Variants in ZNF148 observed in about 807,000 individuals in gnomAD.
The protein encoded by ZNF148 is zinc finger protein 148, also known as Beta-Enolase Repressor Factor-1.
Under a neutral mutation model 67.7 loss-of-function variants are expected in ZNF148, and 7 were observed. That is an observed-to-expected ratio of 0.10 (90% CI 0.06 to 0.19). The LOEUF (loss-of-function observed/expected upper bound fraction) is 0.19. ZNF148 is among the 10% of genes least tolerant of loss of function. The probability of loss-of-function intolerance (pLI) is 1.00; values close to 1 mark genes in which losing one functional copy is unlikely to be tolerated. For synonymous variants in ZNF148, 333 were observed against 330.7 expected (o/e 1.01, Z -0.08); for missense variants, 583 against 947.1 (o/e 0.62, Z 5.05).
chr3:125,364,814 T>C (rs1298766450), intron 1 of ZNF148, among the ~76,000 whole-genome samples: 1 of 152,222 alleles, frequency 6.6e-6, no homozygotes, highest in Non-Finnish European at 1.5e-5. Flanking sequence ...AATAAATACA[T>C]TTTCAAAATC....
At chr3:125,293,654 G>C (rs563475863) in intron 4 of ZNF148, among the ~76,000 whole-genome samples, 2 of 152,128 alleles carry the variant, frequency 1.3e-5, no homozygotes, top group Non-Finnish European at 2.9e-5. Context: ...GAGCAAGAAC[G>C]TAAGCAACAA....
intron 1 of ZNF148, among the ~76,000 whole-genome samples, chr3:125,347,039 G>A (rs1941970613): frequency 6.6e-6 from 1 of 152,068 alleles, no homozygotes; most frequent in East Asian, 1.9e-4. Flanking sequence ...TTATATTTCT[G>A]TACACAAGCA....
intron 4 of ZNF148, among the ~76,000 whole-genome samples, chr3:125,310,613 C>A (rs375626890): frequency 6.6e-6 from 1 of 151,480 alleles, no homozygotes; most frequent in East Asian, 1.9e-4. Context: ...AAAATTAGAG[C>A]AGAAATAAAT....
At chr3:125,319,064 G>T (rs1940652797) in intron 3 of ZNF148, among the ~76,000 whole-genome samples, 2 of 151,914 alleles carry the variant, frequency 1.3e-5, no homozygotes, top group Non-Finnish European at 2.9e-5. Flanking sequence ...CTGTGTAAAA[G>T]CCTAACTGCA....
chr3:125,250,271 C>T (rs1936781379), intron 7 of ZNF148, among the ~76,000 whole-genome samples: 2 of 152,176 alleles, frequency 1.3e-5, no homozygotes, highest in Admixed American at 1.3e-4. Context: ...TAAATATATA[C>T]AATTTCCATT....
chr3:125,365,021 T>A (rs1050601171), intron 1 of ZNF148, among the ~76,000 whole-genome samples: 5 of 152,168 alleles, frequency 3.3e-5, no homozygotes, highest in African/African-American at 1.2e-4. Context: ...ATCTTATTTA[T>A]CCTTCAAGGT....
chr3:125,313,299 A>G lies in ZNF148; in HGVS notation c.333+9T>C, dbSNP rs1198280993. 1.9e-6 allele frequency: 3 copies of G among 1,589,140 alleles called. No individual in the cohort carries two copies. Reference sequence around the variant, plus strand: ...TCTAAGTTTAATATCTTATAAAGGAATTACTTACAGGGACATTAAGTGCAT... The same window carrying G: ...TCTAAGTTTAATATCTTATAAAGGAGTTACTTACAGGGACATTAAGTGCAT... On this transcript the variant is annotated intron_variant, in intron 4 of 8. Transcript: ENST00000360647.
chr3:125,361,180 A>T (rs1217449377), intron 1 of ZNF148, among the ~76,000 whole-genome samples: 2 of 152,070 alleles, frequency 1.3e-5, no homozygotes, highest in Non-Finnish European at 2.9e-5. Flanking sequence ...CTTTTCCTGG[A>T]CAATCTGCTT....
intron 7 of ZNF148, among the ~76,000 whole-genome samples, chr3:125,261,688 AG>A (rs1224488995): frequency 2.0e-5 from 3 of 152,158 alleles, no homozygotes; most frequent in Non-Finnish European, 4.4e-5. Context: ...CTACAGTCAC[AG>A]GAAGACTAAA....
intron 7 of ZNF148, among the ~76,000 whole-genome samples, chr3:125,264,529 C>G (rs1023802810): frequency 6.6e-6 from 1 of 152,140 alleles, no homozygotes; most frequent in Non-Finnish European, 1.5e-5. Context: ...CCAAGGAAAA[C>G]CACTTGAAAT....
chr3:125,263,330 C>T (rs1441906991), intron 7 of ZNF148, among the ~76,000 whole-genome samples: 1 of 152,170 alleles, frequency 6.6e-6, no homozygotes, highest in Non-Finnish European at 1.5e-5. Flanking sequence ...ACGGGTGGGT[C>T]ATCTGAGGTG....
chr3:125,261,490 G>A (rs1391757078), intron 7 of ZNF148, among the ~76,000 whole-genome samples: 1 of 152,134 alleles, frequency 6.6e-6, no homozygotes, highest in African/African-American at 2.4e-5. Context: ...AAGCAAGGTA[G>A]TGAATATGAT....
At chr3:125,256,330 T>G (rs1346915874) in intron 7 of ZNF148, among the ~76,000 whole-genome samples, 1 of 145,802 alleles carries the variant, frequency 6.9e-6, no homozygotes, top group African/African-American at 2.6e-5. Flanking sequence ...ACAGCACCAC[T>G]GCAGTCTGGC....
At chr3:125,329,021 C>A (rs1421902850) in intron 2 of ZNF148, among the ~76,000 whole-genome samples, 3 of 144,472 alleles carry the variant, frequency 2.1e-5, no homozygotes, top group East Asian at 2.1e-4. Context: ...ATATATATAT[C>A]TGTACATGTA....
intron 1 of ZNF148, among the ~76,000 whole-genome samples, chr3:125,345,423 T>C (rs146731995): frequency 1.5e-3 from 222 of 151,442 alleles, no homozygotes; most frequent in African/African-American, 5.2e-3. Context: ...ACATTAGAAA[T>C]GAGGAAAGAT....
intron 2 of ZNF148, among the ~76,000 whole-genome samples, chr3:125,325,513 T>A (rs528938693): frequency 6.6e-6 from 1 of 152,274 alleles, no homozygotes; most frequent in South Asian, 2.1e-4. Flanking sequence ...TTGCCCAGGC[T>A]GGAGTGCGAT....
At chr3:125,295,317 G>A (rs1167338596) in intron 4 of ZNF148, among the ~76,000 whole-genome samples, 9 of 152,122 alleles carry the variant, frequency 5.9e-5, no homozygotes, top group Non-Finnish European at 5.9e-5. Flanking sequence ...GCTGGGCACA[G>A]TGGCAGACTC....
chr3:125,232,628 T>G lies in ZNF148; in HGVS notation c.2098A>C (p.Thr700Pro). The G allele has an allele frequency of 6.2e-7, 1 of 1,613,844 alleles. No homozygotes were observed. The highest frequency in any genetic ancestry group is 8.5e-7 in the Non-Finnish European group (1 of 1,179,792). Reference protein sequence around the residue: ...SGDETNHASATSTQDFLDQVT... With the variant: ...SGDETNHASAPSTQDFLDQVT... ...TGATCCAGAAAGTCCTGTGTTGATG[T>G]GGCAGAAGCATGGTTTGTCTCATCA... Residue 700 changes from threonine (T) to proline (P), a missense_variant, in exon 9 of 9, where the codon ACA becomes CCA. Coordinates refer to ENST00000360647, the MANE Select transcript of ZNF148 (RefSeq NM_021964.3). This position sits in a 1 kb window ranked among gnomAD's most constrained non-coding sequence, Gnocchi z 4.2.
At chr3:125,302,695 G>A (rs1168272254) in intron 4 of ZNF148, among the ~76,000 whole-genome samples, 1 of 152,176 alleles carries the variant, frequency 6.6e-6, no homozygotes, top group Non-Finnish European at 1.5e-5. Flanking sequence ...CACTGAAGTT[G>A]TTTTAGAAGA....
Sources: allele counts gnomAD v4.1 joint callset (sites outside exome capture counted in the v4.1 genomes callset), GRCh38; gene constraint gnomAD v4.1.1; non-coding constraint Gnocchi (gnomAD v3.1); transcripts MANE v1.5; gene names NCBI Gene and HGNC (gene_info 2026-07-23, HGNC 2026-07-21).